Variants in ATRX observed in about 807,000 individuals in gnomAD.
ATRX encodes the protein chromatin remodeler ATRX.
Under a neutral mutation model 172.6 loss-of-function variants are expected in ATRX, and 12 were observed. The ratio of observed to expected loss-of-function variants is 0.07; its 90% CI spans 0.04 to 0.11. The LOEUF (loss-of-function observed/expected upper bound fraction) is 0.11. Ranked by LOEUF, ATRX falls within the 10% of genes least tolerant of loss-of-function variation. The pLI is 1.00. For synonymous variants in ATRX, 674 were observed against 594.7 expected, an observed-to-expected ratio of 1.13 and a Z score of -1.94; for missense variants, 1,368 against 1,767.4, an observed-to-expected ratio of 0.77 and a Z score of 4.05.
intron 10 of ATRX, among the ~76,000 whole-genome samples, chrX:77,671,474 T>C (rs1447721934): frequency 2.8e-5 from 3 of 109,051 alleles, no homozygotes; most frequent in African/African-American, 1.0e-4. Context: ...TACAGACTTA[T>C]GTTTCAATAG....
At chrX:77,706,769 G>C (rs1464080444) in intron 2 of ATRX, among the ~76,000 whole-genome samples, 1 of 110,177 alleles carries the variant, frequency 9.1e-6, no homozygotes, top group Non-Finnish European at 1.9e-5. Context: ...AGCCAGACAT[G>C]GTGGCACACA....
At position 77,521,409 on chromosome X, in the gene ATRX, T is replaced by C; in HGVS notation, c.7065A>G (p.Ser2355=). ...VRIQPLEDII[S]AVWKENMNLS... is the part of the protein sequence containing the mutation. ...CAATTGCCAATTAGCTTACTACAGC[T>C]GAAATTATATCCTCAAGAGGTTGAA... is the stretch of plus-strand genomic sequence containing the variant. Residue 2355 remains serine (S), a synonymous_variant, in exon 33 of 35, where the codon TCA becomes TCG. Transcript: ENST00000373344. 1 of 1,206,456 alleles carries C rather than the reference T, an allele frequency of 8.3e-7. No homozygotes were observed.
intron 30 of ATRX, among the ~76,000 whole-genome samples, chrX:77,545,924 A>T (rs1254005542): frequency 9.0e-6 from 1 of 111,079 alleles, no homozygotes; most frequent in African/African-American, 3.3e-5. Context: ...AGCACCAAAG[A>T]CAATCAAGGA....
At chrX:77,647,580 G>A (rs1249090197) in intron 15 of ATRX, among the ~76,000 whole-genome samples, 1 of 111,565 alleles carries the variant, frequency 9.0e-6, no homozygotes, top group East Asian at 2.8e-4. Context: ...ATAAAATTGT[G>A]GGGGAACAAA....
intron 2 of ATRX, among the ~76,000 whole-genome samples, chrX:77,707,520 G>C (rs2072897187): frequency 8.9e-6 from 1 of 111,870 alleles, no homozygotes; most frequent in African/African-American, 3.3e-5. Context: ...CGAGGCGGGT[G>C]AATTGCTTAA....
At chrX:77,766,685 T>C (rs2075961632) in intron 1 of ATRX, among the ~76,000 whole-genome samples, 1 of 103,466 alleles carries the variant, frequency 9.7e-6, no homozygotes, top group Non-Finnish European at 2.0e-5. Context: ...AAGGCGCTCC[T>C]CACTTCCTAG....
chrX:77,692,866 T>TGC (rs1291450326), intron 6 of ATRX, among the ~76,000 whole-genome samples: 1 of 106,319 alleles, frequency 9.4e-6, no homozygotes, highest in Non-Finnish European at 1.9e-5. Context: ...TGTGTGTGTG[T>TGC]GTGTGTGTGT....
chrX:77,767,185 G>A (rs1254864972), intron 1 of ATRX, among the ~76,000 whole-genome samples: 5 of 107,988 alleles, frequency 4.6e-5, no homozygotes, highest in South Asian at 4.1e-4. Context: ...GTCCAGCTTC[G>A]GCTCGGCATC....
At chrX:77,759,681 T>C (rs1295557494) in intron 1 of ATRX, among the ~76,000 whole-genome samples, 1 of 109,274 alleles carries the variant, frequency 9.2e-6, no homozygotes, top group African/African-American at 3.3e-5. Context: ...ACCACTGCAC[T>C]CCAGCCTGGG....
At chrX:77,592,029 A>C (rs781935231) in intron 26 of ATRX, among the ~76,000 whole-genome samples, 2 of 111,998 alleles carry the variant, frequency 1.8e-5, no homozygotes, top group Non-Finnish European at 3.8e-5. Context: ...TGCAGACAAC[A>C]TGAAGAACTC....
At chrX:77,729,521 C>T (rs1002857707) in intron 1 of ATRX, among the ~76,000 whole-genome samples, 11 of 111,975 alleles carry the variant, frequency 9.8e-5, no homozygotes, top group South Asian at 3.7e-4. Context: ...ACATGTATGA[C>T]GCAAAACTAA....
Position 77,523,571 on chromosome X carries a change from C to T in ATRX, c.6700-170G>A, listed in dbSNP as rs3027529. Among the ~76,000 whole-genome samples, 236 of 111,852 alleles carry T rather than the reference C, an allele frequency of 2.1e-3. 2 individuals are homozygous for T. Among genetic ancestry groups the T allele is most frequent in the Middle Eastern group, 4.6e-3 (1 of 216 alleles). On this transcript the variant is annotated intron_variant, in intron 30 of 34. Transcript: ENST00000373344. ...ACAGCAGCAAAACATGTAACACCAG[C>T]CTCTTATGTAAGACTTTCATGTTTA...
At position 77,670,456 on chromosome X, in the gene ATRX, T is replaced by C. The variant is rs530621350; in HGVS notation, c.3810-5678A>G. Among the ~76,000 whole-genome samples, 6 of 112,124 alleles carry C rather than the reference T, an allele frequency of 5.4e-5. 1 individual carries two copies. In the South Asian group the frequency reaches 2.2e-3, roughly 41 times the overall value. On this transcript the variant is annotated intron_variant, in intron 10 of 34. Coordinates refer to ENST00000373344, the MANE Select transcript of ATRX (RefSeq NM_000489.6). ...TGTCATATATTTAAAGGATAGGAAT[T>C]AAAAAACAAAACATGTGGCCGGGCA...
At chrX:77,596,177 T>C (rs1249504711) in intron 25 of ATRX, 2 of 111,596 alleles carry the variant, frequency 1.8e-5, no homozygotes, top group Non-Finnish European at 3.8e-5. Context: ...AGCTCAATTA[T>C]AGGTAATTAA....
Position 77,644,462 on chromosome X carries a change from A to C in ATRX, c.4557+7652T>G, listed in dbSNP as rs888956156. Among the ~76,000 whole-genome samples, 7 of 112,419 alleles carry C rather than the reference A, an allele frequency of 6.2e-5. No individual in the cohort carries two copies. The South Asian group carries it at 2.6e-3, about 41-fold the overall frequency. On this transcript the variant is annotated intron_variant, in intron 15 of 34. Transcript: ENST00000373344. ...TTGCCAAGTTACAACAGTCAAATAC[A>C]CAATATGCAATTTTAAAAAATCACA...
chrX:77,552,771 A>G (rs1253143620), intron 30 of ATRX, among the ~76,000 whole-genome samples: 2 of 110,916 alleles, frequency 1.8e-5, no homozygotes, highest in African/African-American at 6.6e-5. Flanking sequence ...AGAAGTAAAA[A>G]CTGAACAAGA....
At chrX:77,642,007 G>C (rs782220035) in intron 15 of ATRX, among the ~76,000 whole-genome samples, 132 of 111,930 alleles carry the variant, frequency 1.2e-3, no homozygotes, top group African/African-American at 4.2e-3. Context: ...TTTGAGGCCA[G>C]CTTGGGCAAC....
intron 28 of ATRX, among the ~76,000 whole-genome samples, chrX:77,573,956 T>C (rs1369494891): frequency 9.0e-6 from 1 of 111,404 alleles, no homozygotes; most frequent in Non-Finnish European, 1.9e-5. Context: ...AACTGTGATA[T>C]AGCCCTATAA....
intron 19 of ATRX, among the ~76,000 whole-genome samples, chrX:77,625,109 T>C (rs983736873): frequency 3.6e-5 from 4 of 112,063 alleles, no homozygotes; most frequent in Non-Finnish European, 7.5e-5. Flanking sequence ...AGCCAACTAA[T>C]CTTCGACAAA....
Sources: gnomAD v4.1 joint callset for allele counts (sites outside exome capture counted in the v4.1 genomes callset) on GRCh38, gnomAD v4.1.1 for gene constraint, MANE v1.5 for transcripts, NCBI Gene and HGNC (gene_info 2026-07-23, HGNC 2026-07-21) for gene names.